NBAS: variants seen among roughly 807,000 people sequenced by gnomAD.
The protein encoded by NBAS is NAG/BC035112 fusion.
In NBAS, 219 loss-of-function variants were observed where a neutral mutation model predicts 302.5. The observed-to-expected ratio is 0.72, with a 90% CI of 0.65 to 0.81. The LOEUF (loss-of-function observed/expected upper bound fraction) is 0.81, where lower values mean the gene tolerates loss of function less well. Ranked by LOEUF, NBAS falls within the 30% of genes least tolerant of loss-of-function variation. NBAS has a pLI of 0.00. For synonymous variants in NBAS, 1,118 were observed against 1,021.6 expected (o/e 1.09, Z -1.80); for missense variants, 2,932 against 2,841.6 (o/e 1.03, Z -0.72).
At chr2:15,229,351 A>C (rs1418412543) in intron 47 of NBAS, among the ~76,000 whole-genome samples, 32 of 127,012 alleles carry the variant, frequency 2.5e-4, no homozygotes, top group Middle Eastern at 3.8e-3. Context: ...AAAAAACAAA[A>C]AAAAAAAAAA....
chr2:15,511,464 T>A (rs1483661321), intron 9 of NBAS, 114 bp from the exon 10 acceptor site: 1 of 897,352 alleles, frequency 1.1e-6, no homozygotes, highest in Admixed American at 2.3e-5. Flanking sequence ...ACTATTAATA[T>A]ATGTTAAACC....
chr2:15,025,813 T>C, the NBAS span, among the ~76,000 whole-genome samples: 5 of 152,212 alleles, frequency 3.3e-5, no homozygotes, highest in Admixed American at 2.0e-4. Context: ...ACATTGATTT[T>C]GTATCCTGAA....
chr2:15,510,867 T>C (rs1271711007), intron 10 of NBAS, among the ~76,000 whole-genome samples: 2 of 152,186 alleles, frequency 1.3e-5, no homozygotes, highest in Non-Finnish European at 2.9e-5. Flanking sequence ...TAGAATTAAA[T>C]GAGTTAGAGC....
intron 51 of NBAS, among the ~76,000 whole-genome samples, chr2:15,168,920 GC>G: frequency 6.6e-6 from 1 of 152,208 alleles, no homozygotes; most frequent in Non-Finnish European, 1.5e-5. Context: ...TGGCCACCGT[GC>G]CCGGCCTGTA....
chr2:15,227,685 A>G (rs1667202604), intron 47 of NBAS, among the ~76,000 whole-genome samples: 1 of 152,212 alleles, frequency 6.6e-6, no homozygotes, highest in South Asian at 2.1e-4. Context: ...TAATCCATGC[A>G]TTTACAGCAA....
At chr2:14,957,802 C>T in the NBAS span, among the ~76,000 whole-genome samples, 5 of 152,340 alleles carry the variant, frequency 3.3e-5, no homozygotes, top group South Asian at 1.0e-3. Context: ...ACCAGGGGAA[C>T]CTTCCCAGCT....
the NBAS span, among the ~76,000 whole-genome samples, chr2:14,861,588 C>G: frequency 1.9e-3 from 289 of 152,332 alleles, 1 homozygote; most frequent in African/African-American, 6.5e-3. Flanking sequence ...AGACATAGCT[C>G]TTCAACAAGT....
the NBAS span, among the ~76,000 whole-genome samples, chr2:14,827,421 G>A: frequency 6.6e-6 from 1 of 152,132 alleles, no homozygotes; most frequent in African/African-American, 2.4e-5. Context: ...GTCAACACTT[G>A]GGAGTCCGTG....
the NBAS span, among the ~76,000 whole-genome samples, chr2:15,018,714 C>G: frequency 6.6e-6 from 1 of 151,564 alleles, no homozygotes. Context: ...GTTTGAAAAC[C>G]ATTTCTACAC....
Position 15,323,708 on chromosome 2 carries a change from A to C in NBAS, c.4582+4042T>G, listed in dbSNP as rs1341198593. Among the ~76,000 whole-genome samples, 3 of 151,880 alleles carry C rather than the reference A, an allele frequency of 2.0e-5. No individual in the cohort carries two copies. The East Asian group carries it at 5.8e-4, about 29-fold the overall frequency. ...AAATTAGCTGGGCATGGTGGTGCGCACCTGTAGTTTCAGCTACTCAGGAGG... is the reference window on the plus strand; with the variant it reads ...AAATTAGCTGGGCATGGTGGTGCGCCCCTGTAGTTTCAGCTACTCAGGAGG... On this transcript the variant is annotated intron_variant, in intron 38 of 51. Transcript: ENST00000281513.
At chr2:14,940,386 C>T in the NBAS span, among the ~76,000 whole-genome samples, 1 of 152,186 alleles carries the variant, frequency 6.6e-6, no homozygotes, top group Non-Finnish European at 1.5e-5. Context: ...TCTGTTCCCC[C>T]TTCCCCTTCC....
At chr2:15,297,905 T>C (rs1305838980) in intron 40 of NBAS, among the ~76,000 whole-genome samples, 1 of 152,164 alleles carries the variant, frequency 6.6e-6, no homozygotes, top group East Asian at 1.9e-4. Context: ...TAAACACCCA[T>C]TAGGTTTTCA....
chr2:15,359,277 G>A (rs763137386), intron 32 of NBAS, among the ~76,000 whole-genome samples: 2 of 152,104 alleles, frequency 1.3e-5, no homozygotes, highest in Non-Finnish European at 2.9e-5. Flanking sequence ...TTAATTCACA[G>A]GCACCTGACC....
chr2:14,884,177 T>C, the NBAS span, among the ~76,000 whole-genome samples: 1 of 152,040 alleles, frequency 6.6e-6, no homozygotes, highest in Non-Finnish European at 1.5e-5. Context: ...AAGCTTCATT[T>C]TGAGCGTAGT....
chr2:15,019,602 T>A, the NBAS span, among the ~76,000 whole-genome samples: 2 of 152,198 alleles, frequency 1.3e-5, no homozygotes, highest in Non-Finnish European at 2.9e-5. Context: ...TTATTTTCAC[T>A]GCATGACTAT....
At chr2:15,428,754 T>C (rs1677607679) in intron 21 of NBAS, among the ~76,000 whole-genome samples, 1 of 151,818 alleles carries the variant, frequency 6.6e-6, no homozygotes, top group Non-Finnish European at 1.5e-5. Context: ...AACATAAGAA[T>C]AAATTAAGGC....
chr2:15,181,232 A>G (rs1025739462), intron 50 of NBAS, among the ~76,000 whole-genome samples: 1 of 152,196 alleles, frequency 6.6e-6, no homozygotes, highest in Non-Finnish European at 1.5e-5. Context: ...TGATATTTAG[A>G]CATAGCATGA....
At chr2:15,553,807 TCC>T in intron 4 of NBAS, among the ~76,000 whole-genome samples, 1 of 111,078 alleles carries the variant, frequency 9.0e-6, no homozygotes, top group East Asian at 3.1e-4. Context: ...CCTCTCTCCC[TCC>T]CTCCCTCTCT....
intron 2 of NBAS, 43 bp from the exon 3 acceptor site, chr2:15,556,862 T>C (rs756831525): frequency 1.4e-6 from 2 of 1,454,364 alleles, no homozygotes; most frequent in Non-Finnish European, 1.9e-6. Flanking sequence ...AAATCAGCTG[T>C]TAAGAATCAT....
Sources: gnomAD v4.1 joint callset for allele counts (sites outside exome capture counted in the v4.1 genomes callset) on GRCh38, gnomAD v4.1.1 for gene constraint, MANE v1.5 for transcripts, NCBI Gene and HGNC (gene_info 2026-07-23, HGNC 2026-07-21) for gene names.